Variants in GRID1 observed in about 807,000 individuals in gnomAD.
GRID1 encodes glutamate ionotropic receptor delta type subunit 1, also known as glutamate receptor ionotropic, delta-1.
A neutral mutation model predicts 98.0 loss-of-function variants in GRID1; 28 were observed. That is an observed-to-expected ratio of 0.29 (90% CI 0.21 to 0.39). The LOEUF (loss-of-function observed/expected upper bound fraction) is 0.39, where lower values mean the gene tolerates loss of function less well. Ranked by LOEUF, GRID1 falls within the 10% of genes least tolerant of loss-of-function variation. The pLI, the probability that GRID1 is intolerant of heterozygous loss-of-function variation, is 1.00. For missense variants in GRID1, 1,111 were observed against 1,340.5 expected, an observed-to-expected ratio of 0.83 and a Z score of 2.67; for synonymous variants, 553 against 538.5, an observed-to-expected ratio of 1.03 and a Z score of -0.37.
chr10:85,917,093 C>T (rs1177294706), intron 4 of GRID1, among the ~76,000 whole-genome samples: 3 of 152,166 alleles, frequency 2.0e-5, no homozygotes, highest in Admixed American at 6.5e-5. Flanking sequence ...CTTTCCCTCT[C>T]CTTCAATTGA....
Position 85,868,996 on chromosome 10 carries a change from G to A in GRID1, c.951+14C>T. On this transcript the variant is annotated intron_variant, in intron 6 of 15. Transcript: ENST00000327946. Reference sequence around the variant, plus strand: ...TTGGTGGAGGGGACTGGAGAGAAGAGGCTGAGCACTGACCTGCAGCATCTG... The same window carrying A: ...TTGGTGGAGGGGACTGGAGAGAAGAAGCTGAGCACTGACCTGCAGCATCTG... 2 of 1,611,102 alleles carry A rather than the reference G, an allele frequency of 1.2e-6. No individual in the cohort carries two copies. Among genetic ancestry groups the A allele is most frequent in the Non-Finnish European group, 8.5e-7 (1 of 1,178,108 alleles).
chr10:85,730,290 C>T (rs576410599), intron 8 of GRID1, among the ~76,000 whole-genome samples: 3 of 152,218 alleles, frequency 2.0e-5, no homozygotes, highest in Non-Finnish European at 4.4e-5. Context: ...CAAGGAGAAC[C>T]TACCTTGGCT....
At chr10:86,298,967 C>T (rs1268580148) in intron 2 of GRID1, among the ~76,000 whole-genome samples, 1 of 152,166 alleles carries the variant, frequency 6.6e-6, no homozygotes, top group Non-Finnish European at 1.5e-5. Context: ...CAGAAGCTCC[C>T]GGGCTAGCTG....
intron 2 of GRID1, among the ~76,000 whole-genome samples, chr10:86,362,958 G>A (rs1564749278): frequency 6.6e-6 from 1 of 152,268 alleles, no homozygotes; most frequent in African/African-American, 2.4e-5. Flanking sequence ...ACTTGCCCCA[G>A]CACTGAGGGG....
intron 5 of GRID1, 52 bp from the exon 6 acceptor site, chr10:85,869,232 C>A (rs760378038): frequency 2.0e-6 from 3 of 1,511,330 alleles, no homozygotes; most frequent in South Asian, 2.3e-5. Context: ...ACTATCTCTG[C>A]AAGAGACCTA....
intron 12 of GRID1, among the ~76,000 whole-genome samples, chr10:85,702,342 T>G (rs990763148): frequency 1.3e-5 from 2 of 151,904 alleles, no homozygotes; most frequent in African/African-American, 4.8e-5. Flanking sequence ...AAATCTAATC[T>G]GAAATATGAA....
chr10:85,902,646 G>T (rs7086790), intron 5 of GRID1, among the ~76,000 whole-genome samples: 1 of 152,088 alleles, frequency 6.6e-6, no homozygotes, highest in Non-Finnish European at 1.5e-5. Context: ...GTGTGGCATC[G>T]GGTATGGAGT....
intron 8 of GRID1, among the ~76,000 whole-genome samples, chr10:85,820,011 AAGGAAGGAAGGAAGGAAGGCAGGC>A (rs1339348642): frequency 2.4e-3 from 292 of 122,418 alleles, no homozygotes; most frequent in African/African-American, 0.011. Flanking sequence ...GGAAGGAAGG[AAGGAAGGAAGGAAGGAAGGCAGGC>A]AGGCAGGCAG....
At chr10:86,164,743 A>C (rs1212030908) in intron 3 of GRID1, among the ~76,000 whole-genome samples, 2 of 152,160 alleles carry the variant, frequency 1.3e-5, no homozygotes, top group Admixed American at 6.5e-5. Context: ...TAGCATGAAC[A>C]AAGCTGAAGG....
chr10:86,297,169 A>G (rs1255858652), intron 2 of GRID1, among the ~76,000 whole-genome samples: 2 of 152,230 alleles, frequency 1.3e-5, no homozygotes, highest in Admixed American at 1.3e-4. Flanking sequence ...CATTTTGAAA[A>G]TAGATGAGAA....
chr10:85,692,064 C>T (rs1841339647), intron 12 of GRID1, among the ~76,000 whole-genome samples: 2 of 152,156 alleles, frequency 1.3e-5, no homozygotes, highest in South Asian at 4.2e-4. Flanking sequence ...TCAGTAGCTC[C>T]ATTTATGCAG....
chr10:85,867,465 G>A (rs529556897), intron 6 of GRID1, among the ~76,000 whole-genome samples: 3 of 151,592 alleles, frequency 2.0e-5, no homozygotes, highest in Middle Eastern at 3.2e-3. Context: ...CCCCTCTCCC[G>A]CTGCACTGGG....
intron 4 of GRID1, among the ~76,000 whole-genome samples, chr10:85,926,070 C>T (rs532174045): frequency 1.3e-5 from 2 of 152,210 alleles, no homozygotes; most frequent in South Asian, 4.2e-4. Flanking sequence ...AAAATATCTG[C>T]TTTTTAGTTC....
At position 86,024,114 on chromosome 10, in the gene GRID1, G is replaced by A. The variant is rs368157546; in HGVS notation, c.727-107875C>T. Among the ~76,000 whole-genome samples the A allele has an allele frequency of 5.3e-5, 8 of 152,166 alleles. No individual in the cohort carries two copies. In the East Asian group the frequency reaches 1.2e-3, roughly 22 times the overall value. ...AGAGCTGTCAGATTTCCCTAGTCAA[G>A]GGCCCCATGAGCCATGACCAGGGTT... On this transcript the variant is annotated intron_variant, in intron 4 of 15. Transcript: ENST00000327946.
At chr10:85,892,216 CAA>C (rs35210466) in intron 5 of GRID1, among the ~76,000 whole-genome samples, 1 of 123,738 alleles carries the variant, frequency 8.1e-6, no homozygotes, top group African/African-American at 2.9e-5. Context: ...AAAAAAAAAA[CAA>C]AAAAAAAAAC....
At chr10:86,073,568 G>C (rs755417733) in intron 4 of GRID1, among the ~76,000 whole-genome samples, 14 of 152,218 alleles carry the variant, frequency 9.2e-5, no homozygotes, top group Non-Finnish European at 1.9e-4. Flanking sequence ...AATGATCCAG[G>C]GGGTGAAGGA....
At chr10:85,835,141 G>A (rs1422801838) in intron 8 of GRID1, among the ~76,000 whole-genome samples, 1 of 152,174 alleles carries the variant, frequency 6.6e-6, no homozygotes, top group Non-Finnish European at 1.5e-5. Flanking sequence ...GATCCTAAAT[G>A]TGTATGCTCC....
intron 2 of GRID1, among the ~76,000 whole-genome samples, chr10:86,209,800 T>C (rs1846082135): frequency 6.6e-6 from 1 of 152,204 alleles, no homozygotes. Context: ...CAGTCACTTT[T>C]GGCTCTTGTT....
Position 85,847,715 on chromosome 10 carries a change from G to GA in GRID1, c.1233+6780dup, listed in dbSNP as rs985531941. Among the ~76,000 whole-genome samples the GA allele has an allele frequency of 6.3e-3, 902 of 142,942 alleles. 8 individuals are homozygous for GA. Among genetic ancestry groups the GA allele is most frequent in the African/African-American group, 0.021 (805 of 39,254 alleles). 93.8% of individuals were successfully genotyped at this position (142,942 alleles called of 152,430 possible). On this transcript the variant is annotated intron_variant, in intron 8 of 15. Coordinates refer to ENST00000327946, the MANE Select transcript of GRID1 (RefSeq NM_017551.3). Reference sequence around the variant, plus strand: ...TCCCAGTTAGATGGTAGATTTTGTTGAAAAAAAAAAATCAAGCCACAAAAA... The same window carrying GA: ...TCCCAGTTAGATGGTAGATTTTGTTGAAAAAAAAAAAATCAAGCCACAAAAA...
Sources: allele counts gnomAD v4.1 joint callset (sites outside exome capture counted in the v4.1 genomes callset), GRCh38; gene constraint gnomAD v4.1.1; transcripts MANE v1.5; gene names NCBI Gene and HGNC (gene_info 2026-07-23, HGNC 2026-07-21).